The following CTNNA2 variants were observed in gnomAD, a reference collection of about 807,000 sequenced individuals.
CTNNA2 encodes the protein catenin alpha 2.
A neutral mutation model predicts 101.0 loss-of-function variants in CTNNA2; 42 were observed. The ratio of observed to expected loss-of-function variants is 0.42; its 90% CI spans 0.32 to 0.54. The LOEUF (loss-of-function observed/expected upper bound fraction) is 0.54, where lower values mean the gene tolerates loss of function less well. Ranked by LOEUF, CTNNA2 falls within the 20% of genes least tolerant of loss-of-function variation. The probability of loss-of-function intolerance (pLI) is 0.14; values close to 1 mark genes in which losing one functional copy is unlikely to be tolerated. For synonymous variants in CTNNA2, 450 were observed against 456.4 expected (o/e 0.99, Z 0.18); for missense variants, 871 against 1,223.1 (o/e 0.71, Z 4.29).
chr2:80,360,089 G>C (rs1674250664), intron 7 of CTNNA2, among the ~76,000 whole-genome samples: 1 of 151,802 alleles, frequency 6.6e-6, no homozygotes, highest in Non-Finnish European at 1.5e-5. Flanking sequence ...CTAATGTAGT[G>C]GTCTTAAACA....
intron 9 of CTNNA2, among the ~76,000 whole-genome samples, chr2:80,462,631 C>CTTTTTTTTTTTTTTTTTTTTTTT (rs753815778): frequency 3.2e-5 from 3 of 94,772 alleles, no homozygotes; most frequent in African/African-American, 1.4e-4. Flanking sequence ...TTCTTTCTTT[C>CTTTTTTTTTTTTTTTTTTTTTTT]TTTTTTTTTT....
At chr2:80,346,372 C>T (rs956228084) in intron 7 of CTNNA2, among the ~76,000 whole-genome samples, 32 of 151,980 alleles carry the variant, frequency 2.1e-4, no homozygotes, top group Admixed American at 1.0e-3. Flanking sequence ...AGAGAGTGCC[C>T]GGGGAGAGGT....
rs59885288 is a variant in CTNNA2 at position 79,844,979 on chromosome 2, T to TACAC, written c.299-13014_299-13011dup. ...GGAGGGATAAAGAATGAAAACAAAC[T>TACAC]ACACACACACACACACACACACATA... On this transcript the variant is annotated intron_variant, in intron 3 of 18. Transcript: ENST00000402739. Among the ~76,000 whole-genome samples, 1,127 of 140,272 alleles carry TACAC rather than the reference T, an allele frequency of 8.0e-3. 10 individuals are homozygous for TACAC. The highest frequency in any genetic ancestry group is 0.019 in the African/African-American group (732 of 37,612). The allele number at this position is 140,272 out of a possible 152,430, so 92.0% of individuals were successfully genotyped here.
chr2:79,306,736 A>G (rs1370201689), intron 2 of CTNNA2, among the ~76,000 whole-genome samples: 2 of 152,196 alleles, frequency 1.3e-5, no homozygotes, highest in African/African-American at 2.4e-5. Context: ...CAGAATAACT[A>G]TAATAGTTTT....
At chr2:79,204,384 T>C (rs1219111832) in intron 2 of CTNNA2, among the ~76,000 whole-genome samples, 1 of 152,216 alleles carries the variant, frequency 6.6e-6, no homozygotes, top group Non-Finnish European at 1.5e-5. Flanking sequence ...CTCCTAATGT[T>C]CCCAGTGCTT....
intron 3 of CTNNA2, among the ~76,000 whole-genome samples, chr2:79,759,735 T>A (rs947153644): frequency 6.6e-6 from 1 of 152,232 alleles, no homozygotes; most frequent in Non-Finnish European, 1.5e-5. Context: ...AGCTTTGTTT[T>A]CTTCTTTGTC....
chr2:80,427,078 G>C (rs114955916), intron 9 of CTNNA2, among the ~76,000 whole-genome samples: 1,768 of 152,112 alleles, frequency 0.012, 34 homozygotes, highest in African/African-American at 0.04. Flanking sequence ...CTACAACCCA[G>C]CTCCTAGCCA....
chr2:80,270,154 C>A (rs573394426), intron 7 of CTNNA2, among the ~76,000 whole-genome samples: 10 of 152,348 alleles, frequency 6.6e-5, no homozygotes, highest in South Asian at 2.1e-4. Flanking sequence ...CAGGCTCCCC[C>A]ATTCCATAAT....
chr2:79,339,511 T>C (rs1032535761), intron 3 of CTNNA2: 17 of 152,210 alleles, frequency 1.1e-4, no homozygotes, highest in African/African-American at 3.4e-4. Flanking sequence ...AGTCTTTATA[T>C]TATTATGGTT....
At chr2:80,572,509 G>A (rs1055487819) in intron 12 of CTNNA2, among the ~76,000 whole-genome samples, 3 of 152,104 alleles carry the variant, frequency 2.0e-5, no homozygotes, top group Admixed American at 6.6e-5. Context: ...CGTAGACACC[G>A]TGGAGTGGCA....
At chr2:79,923,209 T>C (rs149430887) in intron 7 of CTNNA2, among the ~76,000 whole-genome samples, 25 of 152,224 alleles carry the variant, frequency 1.6e-4, no homozygotes, top group East Asian at 1.2e-3. Context: ...CAGAATTGGC[T>C]TCAGTATCTA....
intron 1 of CTNNA2, among the ~76,000 whole-genome samples, chr2:79,523,004 C>T (rs1000883123): frequency 6.6e-6 from 1 of 152,064 alleles, no homozygotes; most frequent in Non-Finnish European, 1.5e-5. Flanking sequence ...AATTTCTTTC[C>T]CCCCGTGAGT....
At chr2:79,687,778 C>G in intron 2 of CTNNA2, 1 of 467,220 alleles carries the variant, frequency 2.1e-6, no homozygotes, top group South Asian at 3.2e-5. Context: ...TGAAGATGTT[C>G]GGCTTGAAAT....
chr2:79,880,784 A>AT (rs1286284859), intron 6 of CTNNA2, among the ~76,000 whole-genome samples: 3 of 151,524 alleles, frequency 2.0e-5, no homozygotes, highest in Admixed American at 6.6e-5. Flanking sequence ...GGATTCATTG[A>AT]TTTTTTTGGA....
intron 1 of CTNNA2, among the ~76,000 whole-genome samples, chr2:79,601,036 A>T (rs1677521398): frequency 2.0e-5 from 3 of 152,332 alleles, no homozygotes; most frequent in Middle Eastern, 3.4e-3. Flanking sequence ...AACAGTGTGT[A>T]TGTATATATG....
At chr2:79,841,749 A>C in intron 3 of CTNNA2, among the ~76,000 whole-genome samples, 1 of 152,216 alleles carries the variant, frequency 6.6e-6, no homozygotes, top group Non-Finnish European at 1.5e-5. Context: ...ACTGGGACAT[A>C]ACAATGGAAT....
chr2:79,464,026 G>A (rs1670906212), intron 4 of CTNNA2, among the ~76,000 whole-genome samples: 1 of 151,586 alleles, frequency 6.6e-6, no homozygotes, highest in Non-Finnish European at 1.5e-5. Context: ...GGTACATTGT[G>A]CACAATATGC....
At chr2:79,464,237 G>T (rs982517233) in intron 4 of CTNNA2, among the ~76,000 whole-genome samples, 1 of 151,994 alleles carries the variant, frequency 6.6e-6, no homozygotes, top group African/African-American at 2.4e-5. Context: ...GCGGTGTTTG[G>T]TTTTTTTGTC....
At chr2:79,795,283 A>G (rs969087280) in intron 3 of CTNNA2, among the ~76,000 whole-genome samples, 15 of 152,154 alleles carry the variant, frequency 9.9e-5, no homozygotes, top group African/African-American at 3.1e-4. Context: ...TTATGTTATT[A>G]AAGATTCTTA....
Sources: allele counts gnomAD v4.1 joint callset (sites outside exome capture counted in the v4.1 genomes callset), GRCh38; gene constraint gnomAD v4.1.1; transcripts MANE v1.5; gene names NCBI Gene and HGNC (gene_info 2026-07-23, HGNC 2026-07-21).